Variants in CHCHD6 observed in about 807,000 individuals in gnomAD.
CHCHD6 encodes the protein MICOS complex subunit MIC25.
A neutral mutation model predicts 32.3 loss-of-function variants in CHCHD6; 28 were observed. That is an observed-to-expected ratio of 0.87 (90% CI 0.64 to 1.19). CHCHD6 has a LOEUF of 1.19. CHCHD6 is among the 50% of genes most tolerant of loss of function. The pLI, the probability that CHCHD6 is intolerant of heterozygous loss-of-function variation, is 0.00. For missense variants in CHCHD6, 333 were observed against 307.0 expected (o/e 1.08, Z -0.63); for synonymous variants, 122 against 117.5 (o/e 1.04, Z -0.25).
At chr3:126,712,047 A>G (rs1934772180) in intron 1 of CHCHD6, among the ~76,000 whole-genome samples, 1 of 152,170 alleles carries the variant, frequency 6.6e-6, no homozygotes, top group African/African-American at 2.4e-5. Context: ...AGGTCTCTCT[A>G]CCTTTTCCAC....
At chr3:126,719,407 C>T (rs1020405646) in intron 1 of CHCHD6, among the ~76,000 whole-genome samples, 1 of 152,202 alleles carries the variant, frequency 6.6e-6, no homozygotes, top group African/African-American at 2.4e-5. Context: ...TGCATGCTGC[C>T]ATCACTTTAT....
intron 5 of CHCHD6, among the ~76,000 whole-genome samples, chr3:126,909,122 C>A (rs764896062): frequency 3.3e-5 from 5 of 152,226 alleles, no homozygotes; most frequent in Non-Finnish European, 7.3e-5. Flanking sequence ...CTGTGCACAC[C>A]GTAGGCCGTG....
At chr3:126,946,495 C>T (rs545501895) in intron 6 of CHCHD6, among the ~76,000 whole-genome samples, 1 of 152,302 alleles carries the variant, frequency 6.6e-6, no homozygotes, top group African/African-American at 2.4e-5. Flanking sequence ...GGGAGCAATG[C>T]ACCCCCAGGC....
At position 126,909,415 on chromosome 3, in the gene CHCHD6, CG is replaced by C. The variant is rs2078054529; in HGVS notation, c.496-5263del. 2.0e-5 allele frequency among the ~76,000 whole-genome samples: 3 copies of C among 152,322 alleles called. 1 individual carries two copies. ...ACACATTTTGTCATCTTCCCTTCCC[CG>C]GCCTCCTCACCATGCTTCCCTCACC... On this transcript the variant is annotated intron_variant, in intron 5 of 7. Transcript: ENST00000290913.
chr3:126,820,305 A>C (rs576939568), intron 4 of CHCHD6, among the ~76,000 whole-genome samples: 2 of 152,362 alleles, frequency 1.3e-5, no homozygotes, highest in South Asian at 4.1e-4. Flanking sequence ...CAGCCTCTTT[A>C]CATAGGTGTA....
chr3:126,815,285 C>T lies in CHCHD6; in HGVS notation c.412-37362C>T, dbSNP rs543085045. Reference sequence around the variant, plus strand: ...ATCAGCATTCCCCAGGGACTTAACCCCAGTGGATGTCTCTCTGAGCAGCTT... The same window carrying T: ...ATCAGCATTCCCCAGGGACTTAACCTCAGTGGATGTCTCTCTGAGCAGCTT... On this transcript the variant is annotated intron_variant, in intron 4 of 7. Transcript: ENST00000290913. Among the ~76,000 whole-genome samples the T allele has an allele frequency of 5.3e-5, 8 of 152,290 alleles. No individual in the cohort carries two copies. In the South Asian group the frequency reaches 1.2e-3, roughly 24 times the overall value.
chr3:126,722,409 T>C (rs1935349900), intron 1 of CHCHD6, among the ~76,000 whole-genome samples: 1 of 152,214 alleles, frequency 6.6e-6, no homozygotes, highest in African/African-American at 2.4e-5. Flanking sequence ...GTGATCCTTT[T>C]GCCTCGGCCC....
intron 4 of CHCHD6, among the ~76,000 whole-genome samples, chr3:126,847,887 C>G (rs967724924): frequency 6.6e-6 from 1 of 152,114 alleles, no homozygotes; most frequent in Non-Finnish European, 1.5e-5. Flanking sequence ...CCTCTCCAGT[C>G]TTTCCTTCCT....
chr3:126,780,628 T>C (rs2107680889), intron 4 of CHCHD6, among the ~76,000 whole-genome samples: 1 of 152,384 alleles, frequency 6.6e-6, no homozygotes, highest in East Asian at 1.9e-4. Flanking sequence ...AGACTTGCAG[T>C]GGCCTTGATG....
chr3:126,888,179 C>G (rs886792066), intron 5 of CHCHD6, among the ~76,000 whole-genome samples: 2 of 152,156 alleles, frequency 1.3e-5, no homozygotes, highest in African/African-American at 4.8e-5. Flanking sequence ...ACAAGGACAG[C>G]AGAGCAGAAA....
intron 5 of CHCHD6, among the ~76,000 whole-genome samples, chr3:126,904,131 T>C (rs71327776): frequency 6.6e-6 from 1 of 152,236 alleles, no homozygotes. Context: ...TCTTCTTATA[T>C]ACCAAAACAC....
chr3:126,879,312 A>G (rs1290854951), intron 5 of CHCHD6, among the ~76,000 whole-genome samples: 1 of 152,186 alleles, frequency 6.6e-6, no homozygotes, highest in African/African-American at 2.4e-5. Flanking sequence ...GTTGGGAGAC[A>G]TTGCTGTGGC....
At chr3:126,898,467 TAG>T (rs1336255882) in intron 5 of CHCHD6, among the ~76,000 whole-genome samples, 1 of 152,190 alleles carries the variant, frequency 6.6e-6, no homozygotes, top group African/African-American at 2.4e-5. Flanking sequence ...TTTGGAATGA[TAG>T]AGATATTTTG....
At chr3:126,723,060 G>T (rs765009300) in intron 1 of CHCHD6, among the ~76,000 whole-genome samples, 14 of 152,042 alleles carry the variant, frequency 9.2e-5, no homozygotes, top group African/African-American at 3.1e-4. Context: ...TGAAGAGACC[G>T]CTCTTTCCCC....
intron 5 of CHCHD6, among the ~76,000 whole-genome samples, chr3:126,890,622 G>A (rs2077744282): frequency 6.6e-6 from 1 of 152,220 alleles, no homozygotes; most frequent in African/African-American, 2.4e-5. Flanking sequence ...GGGCTTCTGA[G>A]TAAGAGTCCA....
intron 5 of CHCHD6, among the ~76,000 whole-genome samples, chr3:126,860,047 C>T (rs1941803241): frequency 6.6e-6 from 1 of 152,098 alleles, no homozygotes; most frequent in Non-Finnish European, 1.5e-5. Context: ...GAGCCGCCAC[C>T]TGCCTGCCGG....
intron 4 of CHCHD6, among the ~76,000 whole-genome samples, chr3:126,742,670 G>A (rs543767042): frequency 7.9e-5 from 12 of 152,266 alleles, no homozygotes; most frequent in Non-Finnish European, 1.5e-4. Flanking sequence ...AGGGAAACCT[G>A]AGAGAGCACA....
chr3:126,766,437 A>G (rs1315187483), intron 4 of CHCHD6: 35 of 649,102 alleles, frequency 5.4e-5, no homozygotes, highest in Non-Finnish European at 8.7e-5. Context: ...GGGAGCATCA[A>G]AGGGTTTGGC....
At chr3:126,853,182 C>T (rs1241683361) in intron 5 of CHCHD6, among the ~76,000 whole-genome samples, 1 of 150,882 alleles carries the variant, frequency 6.6e-6, no homozygotes, top group Non-Finnish European at 1.5e-5. Flanking sequence ...TGCACTACGG[C>T]TGCACACTCA....
Sources: gnomAD v4.1 joint callset for allele counts (sites outside exome capture counted in the v4.1 genomes callset) on GRCh38, gnomAD v4.1.1 for gene constraint, MANE v1.5 for transcripts, NCBI Gene and HGNC (gene_info 2026-07-23, HGNC 2026-07-21) for gene names.